SLX4IP: variants seen among roughly 807,000 people sequenced by gnomAD.
The protein encoded by SLX4IP is protein SLX4IP.
SLX4IP carries 34 observed loss-of-function variants against 32.9 expected under a neutral mutation model. The observed-to-expected ratio is 1.03, with a 90% CI of 0.79 to 1.38. SLX4IP has a LOEUF of 1.38. Among genes scored for constraint, SLX4IP ranks in the 40% most tolerant of loss-of-function variants. SLX4IP has a pLI of 0.00. For synonymous variants in SLX4IP, 172 were observed against 171.7 expected (o/e 1.00, Z -0.01); for missense variants, 444 against 479.0 (o/e 0.93, Z 0.68).
At chr20:10,608,673 C>CAAAAA in intron 6 of SLX4IP, among the ~76,000 whole-genome samples, 1 of 60,464 alleles carries the variant, frequency 1.7e-5, no homozygotes, top group Admixed American at 1.8e-4. Context: ...TACTCTGTCT[C>CAAAAA]AAAAAAAAAA....
At chr20:10,524,588 ATAAT>A (rs1255618836) in intron 2 of SLX4IP, among the ~76,000 whole-genome samples, 2 of 152,248 alleles carry the variant, frequency 1.3e-5, no homozygotes, top group Admixed American at 1.3e-4. Context: ...GATGTTTAAA[ATAAT>A]TAATATTTTT....
At chr20:10,461,323 A>G (rs1356290698) in intron 2 of SLX4IP, among the ~76,000 whole-genome samples, 1 of 152,226 alleles carries the variant, frequency 6.6e-6, no homozygotes, top group African/African-American at 2.4e-5. Flanking sequence ...CTGCTACCAT[A>G]TTATCCCATC....
At chr20:10,621,063 AC>A (rs2067105571) in intron 6 of SLX4IP, among the ~76,000 whole-genome samples, 1 of 152,218 alleles carries the variant, frequency 6.6e-6, no homozygotes, top group Non-Finnish European at 1.5e-5. Flanking sequence ...TTTGGAATCA[AC>A]ATTATTTGCC....
chr20:10,620,639 C>T (rs1218286391), intron 6 of SLX4IP, among the ~76,000 whole-genome samples: 4 of 152,040 alleles, frequency 2.6e-5, no homozygotes, highest in South Asian at 4.2e-4. Context: ...CTGCAAGCTC[C>T]GCCTCCCGGG....
intron 1 of SLX4IP, among the ~76,000 whole-genome samples, chr20:10,443,652 C>CTT (rs2065176407): frequency 6.6e-6 from 1 of 152,104 alleles, no homozygotes; most frequent in Non-Finnish European, 1.5e-5. Flanking sequence ...TTGCCTGTGC[C>CTT]ATAAGATGGA....
intron 2 of SLX4IP, among the ~76,000 whole-genome samples, chr20:10,531,988 A>G (rs753165047): frequency 2.6e-5 from 4 of 152,168 alleles, no homozygotes; most frequent in Non-Finnish European, 5.9e-5. Flanking sequence ...TTCATCTCCT[A>G]TAACTCCAGC....
At chr20:10,557,288 A>G (rs1302678430) in intron 3 of SLX4IP, among the ~76,000 whole-genome samples, 1 of 152,148 alleles carries the variant, frequency 6.6e-6, no homozygotes, top group African/African-American at 2.4e-5. Flanking sequence ...CCCAAAAAAG[A>G]TTTTATAGGA....
At chr20:10,618,861 C>T (rs2067070608) in intron 6 of SLX4IP, among the ~76,000 whole-genome samples, 1 of 139,500 alleles carries the variant, frequency 7.2e-6, no homozygotes, top group Non-Finnish European at 1.5e-5. Flanking sequence ...CTTTAGTAAT[C>T]AGGATGACTC....
intron 4 of SLX4IP, among the ~76,000 whole-genome samples, chr20:10,590,279 C>T (rs1336410885): frequency 2.0e-5 from 3 of 152,004 alleles, no homozygotes; most frequent in African/African-American, 7.2e-5. Flanking sequence ...AAAATTATAT[C>T]ATCTTTTCAT....
chr20:10,621,264 A>G (rs2067107980), intron 6 of SLX4IP, 50 bp from the exon 7 acceptor site: 2 of 1,521,056 alleles, frequency 1.3e-6, no homozygotes, highest in African/African-American at 1.4e-5. Context: ...GTTTTCTCTC[A>G]TGTTCAGCTA....
chr20:10,534,820 T>C (rs764477869), intron 2 of SLX4IP, among the ~76,000 whole-genome samples: 16 of 152,094 alleles, frequency 1.1e-4, no homozygotes, highest in Non-Finnish European at 1.0e-4. Flanking sequence ...GGAGACCACA[T>C]AGGTTACCAT....
At chr20:10,436,698 A>G (rs1353627807) in intron 1 of SLX4IP, among the ~76,000 whole-genome samples, 1 of 152,124 alleles carries the variant, frequency 6.6e-6, no homozygotes, top group East Asian at 1.9e-4. Context: ...CTAGATTCAC[A>G]GTGTATTATC....
intron 4 of SLX4IP, among the ~76,000 whole-genome samples, chr20:10,571,603 C>T (rs754439659): frequency 5.3e-5 from 8 of 152,216 alleles, no homozygotes; most frequent in Non-Finnish European, 1.2e-4. Context: ...TCTCCCTGCT[C>T]ACCCTCTGGT....
intron 1 of SLX4IP, among the ~76,000 whole-genome samples, chr20:10,453,257 A>T (rs1300443351): frequency 6.6e-6 from 1 of 151,782 alleles, no homozygotes; most frequent in African/African-American, 2.4e-5. Flanking sequence ...CTTTCCATGT[A>T]CCTGTCCTAA....
intron 6 of SLX4IP, among the ~76,000 whole-genome samples, chr20:10,616,003 G>T (rs533906312): frequency 6.6e-6 from 1 of 152,118 alleles, no homozygotes; most frequent in East Asian, 1.9e-4. Flanking sequence ...ATTTTGGAGG[G>T]GACACAGTCA....
intron 2 of SLX4IP, among the ~76,000 whole-genome samples, chr20:10,477,058 G>C (rs2065480531): frequency 6.6e-6 from 1 of 152,176 alleles, no homozygotes; most frequent in African/African-American, 2.4e-5. Flanking sequence ...GGTCTTATTA[G>C]GGCATTAATG....
chr20:10,593,137 T>C (rs1025864337), intron 4 of SLX4IP, among the ~76,000 whole-genome samples: 3 of 152,208 alleles, frequency 2.0e-5, no homozygotes, highest in African/African-American at 4.8e-5. Flanking sequence ...TAGCACATAG[T>C]AATCTGATTA....
intron 2 of SLX4IP, among the ~76,000 whole-genome samples, chr20:10,504,786 C>G (rs1433032729): frequency 6.6e-6 from 1 of 152,152 alleles, no homozygotes; most frequent in Non-Finnish European, 1.5e-5. Flanking sequence ...GTACGCAACA[C>G]ACACCCAGGA....
At chr20:10,474,165 C>T (rs569804863) in intron 2 of SLX4IP, among the ~76,000 whole-genome samples, 187 of 152,280 alleles carry the variant, frequency 1.2e-3, no homozygotes, top group African/African-American at 4.4e-3. Context: ...ATCCATCCTC[C>T]TTGGCCTCCC....
Sources: gnomAD v4.1 joint callset for allele counts (sites outside exome capture counted in the v4.1 genomes callset) on GRCh38, gnomAD v4.1.1 for gene constraint, MANE v1.5 for transcripts, NCBI Gene and HGNC (gene_info 2026-07-23, HGNC 2026-07-21) for gene names.